FAM83B: variants seen among roughly 807,000 people sequenced by gnomAD.
FAM83B encodes the protein scaffolding CK1 anchoring protein B, also known as protein FAM83B.
FAM83B carries 26 observed loss-of-function variants against 38.8 expected under a neutral mutation model. The ratio of observed to expected loss-of-function variants is 0.67; its 90% CI spans 0.49 to 0.93. The LOEUF is 0.93. Ranked by LOEUF, FAM83B falls within the 40% of genes least tolerant of loss-of-function variation. The pLI is 0.00. For missense variants in FAM83B, 1,237 were observed against 1,197.3 expected (o/e 1.03, Z -0.49); for synonymous variants, 419 against 423.1 (o/e 0.99, Z 0.12).
intron 2 of FAM83B, among the ~76,000 whole-genome samples, chr6:54,907,724 A>T (rs959189064): frequency 5.9e-5 from 9 of 151,974 alleles, no homozygotes; most frequent in East Asian, 3.9e-4. Context: ...CAATGTATGA[A>T]TTTTTTCTGT....
At position 54,847,274 on chromosome 6, in the gene FAM83B, T is replaced by TG. The variant is rs563221963; in HGVS notation, c.-61+454dup. The stretch of plus-strand genomic sequence containing the variant: ...AGGGTGGAAGCAGAGGGCATGGGGG[T>TG]GGGGGGTTCCGGGAAAAGGTGGGAG... On this transcript the variant is annotated intron_variant, in intron 1 of 4. Coordinates refer to ENST00000306858, the MANE Select transcript of FAM83B (RefSeq NM_001010872.3). 2.0e-3 allele frequency among the ~76,000 whole-genome samples: 266 copies of TG among 130,972 alleles called. 2 individuals carry two copies. Among genetic ancestry groups the TG allele is most frequent in the African/African-American group, 7.1e-3 (243 of 34,274 alleles). 85.9% of individuals were successfully genotyped at this position (130,972 alleles called of 152,430 possible). A position where few individuals can be genotyped will look rare whatever the true frequency, so the allele number is the denominator to read the frequency against.
At chr6:54,926,675 C>T in intron 3 of FAM83B, 140 bp downstream of exon 3, 1 of 572,760 alleles carries the variant, frequency 1.7e-6, no homozygotes, top group Non-Finnish European at 2.9e-6. Flanking sequence ...AATGATTGAT[C>T]ACAGAAAGGT....
intron 2 of FAM83B, among the ~76,000 whole-genome samples, chr6:54,884,494 A>AAG (rs1445450705): frequency 6.6e-6 from 1 of 151,482 alleles, no homozygotes; most frequent in Non-Finnish European, 1.5e-5. Context: ...AAAAAAAAAA[A>AAG]AAAAAGAAAT....
intron 2 of FAM83B, among the ~76,000 whole-genome samples, chr6:54,877,224 C>G (rs952717904): frequency 2.6e-5 from 4 of 152,146 alleles, no homozygotes; most frequent in African/African-American, 9.7e-5. Context: ...AGACTTAAGG[C>G]ATTCTTTAGG....
At chr6:54,866,648 A>G (rs1055656214) in intron 1 of FAM83B, among the ~76,000 whole-genome samples, 2 of 152,146 alleles carry the variant, frequency 1.3e-5, no homozygotes, top group Admixed American at 1.3e-4. Context: ...ATTCCACAGT[A>G]TGGGTGTACC....
intron 1 of FAM83B, among the ~76,000 whole-genome samples, chr6:54,864,291 G>A (rs1438375258): frequency 6.6e-6 from 1 of 152,094 alleles, no homozygotes; most frequent in Non-Finnish European, 1.5e-5. Context: ...AAAGTAAATT[G>A]AGGAAATTAA....
At chr6:54,928,332 A>G (rs1416069786) in intron 4 of FAM83B, among the ~76,000 whole-genome samples, 1 of 152,222 alleles carries the variant, frequency 6.6e-6, no homozygotes, top group African/African-American at 2.4e-5. Context: ...CTCCTGTCTT[A>G]GTAACAGAAA....
intron 2 of FAM83B, among the ~76,000 whole-genome samples, chr6:54,921,911 A>G (rs1226626540): frequency 6.6e-6 from 1 of 151,998 alleles, no homozygotes; most frequent in African/African-American, 2.4e-5. Flanking sequence ...GTTACATTAT[A>G]TTTTGCCTTT....
At chr6:54,897,056 T>C (rs1772555280) in intron 2 of FAM83B, among the ~76,000 whole-genome samples, 1 of 152,170 alleles carries the variant, frequency 6.6e-6, no homozygotes, top group African/African-American at 2.4e-5. Context: ...CTGTCTTGAC[T>C]TCCCTGGAGT....
At chr6:54,868,767 G>C (rs1423216166) in intron 1 of FAM83B, among the ~76,000 whole-genome samples, 1 of 152,100 alleles carries the variant, frequency 6.6e-6, no homozygotes, top group Admixed American at 6.5e-5. Flanking sequence ...CAAGCTGAGG[G>C]CTTTCCAAAA....
chr6:54,916,582 A>G (rs1012057791), intron 2 of FAM83B, among the ~76,000 whole-genome samples: 1 of 152,192 alleles, frequency 6.6e-6, no homozygotes, highest in Non-Finnish European at 1.5e-5. Flanking sequence ...CTTTGTGGCA[A>G]TATACACACT....
At chr6:54,883,764 GTT>G (rs35604389) in intron 2 of FAM83B, among the ~76,000 whole-genome samples, 3 of 149,382 alleles carry the variant, frequency 2.0e-5, no homozygotes, top group Non-Finnish European at 3.0e-5. Context: ...TCTGATAATG[GTT>G]TTTTTTTTTG....
chr6:54,906,913 T>A (rs2127583369), intron 2 of FAM83B, among the ~76,000 whole-genome samples: 1 of 152,312 alleles, frequency 6.6e-6, no homozygotes, highest in African/African-American at 2.4e-5. Flanking sequence ...GTCTCTTTTG[T>A]CTAATATATA....
chr6:54,932,607 C>G (rs962321566), intron 4 of FAM83B, among the ~76,000 whole-genome samples: 18 of 152,118 alleles, frequency 1.2e-4, no homozygotes, highest in African/African-American at 4.3e-4. Context: ...CTCTACCATC[C>G]TTTTATTTCA....
intron 4 of FAM83B, among the ~76,000 whole-genome samples, chr6:54,937,646 A>T (rs1027585224): frequency 2.0e-5 from 3 of 152,074 alleles, no homozygotes; most frequent in African/African-American, 7.2e-5. Flanking sequence ...CAGCTATGAG[A>T]CATTGTAGCT....
chr6:54,846,538 G>A (rs1465267604), upstream of FAM83B, among the ~76,000 whole-genome samples: 1 of 152,192 alleles, frequency 6.6e-6, no homozygotes, highest in Non-Finnish European at 1.5e-5. Context: ...GAGAGAGCAG[G>A]GTGTTTGAGT....
At chr6:54,891,121 T>C (rs561967472) in intron 2 of FAM83B, among the ~76,000 whole-genome samples, 1 of 152,196 alleles carries the variant, frequency 6.6e-6, no homozygotes, top group African/African-American at 2.4e-5. Context: ...TATTCCTTTT[T>C]CTTGCCTTTT....
chr6:54,893,056 A>G (rs562950648), intron 2 of FAM83B, among the ~76,000 whole-genome samples: 1 of 152,230 alleles, frequency 6.6e-6, no homozygotes, highest in Admixed American at 6.5e-5. Flanking sequence ...TGAGTAAACC[A>G]TCTTGGAAAC....
intron 4 of FAM83B, among the ~76,000 whole-genome samples, chr6:54,938,202 G>T (rs756871027): frequency 6.6e-6 from 1 of 152,056 alleles, no homozygotes. Flanking sequence ...CCATTATTTT[G>T]TTCCTTTTTA....
Sources: gnomAD v4.1 joint callset for allele counts (sites outside exome capture counted in the v4.1 genomes callset) on GRCh38, gnomAD v4.1.1 for gene constraint, MANE v1.5 for transcripts, NCBI Gene and HGNC (gene_info 2026-07-23, HGNC 2026-07-21) for gene names.